Variants in PPP2R2B observed in about 807,000 individuals in gnomAD.
PPP2R2B encodes serine/threonine-protein phosphatase 2A 55 kDa regulatory subunit B beta isoform.
In PPP2R2B, 5 loss-of-function variants were observed where a neutral mutation model predicts 46.0. The ratio of observed to expected loss-of-function variants is 0.11; its 90% confidence interval spans 0.06 to 0.23. The LOEUF (loss-of-function observed/expected upper bound fraction) is 0.23, where lower values mean the gene tolerates loss of function less well. PPP2R2B is among the 10% of genes least tolerant of loss of function. PPP2R2B has a pLI of 1.00. For missense variants in PPP2R2B, 367 were observed against 575.0 expected (o/e 0.64, Z 3.70); for synonymous variants, 215 against 206.7 (o/e 1.04, Z -0.34).
intron 1 of PPP2R2B, among the ~76,000 whole-genome samples, chr5:147,031,431 T>C (rs1036880572): frequency 1.3e-5 from 2 of 152,096 alleles, no homozygotes; most frequent in African/African-American, 4.8e-5. Context: ...ATTTTTAAGA[T>C]TTTGGTTTTC....
intron 2 of PPP2R2B, among the ~76,000 whole-genome samples, chr5:147,062,265 C>A (rs1757282045): frequency 6.6e-6 from 1 of 152,174 alleles, no homozygotes; most frequent in East Asian, 1.9e-4. Context: ...TGTAAGTGCA[C>A]TCTAGGATGT....
intron 8 of PPP2R2B, among the ~76,000 whole-genome samples, chr5:146,600,060 G>A (rs322468): frequency 0.7 from 106,504 of 152,094 alleles, 37,406 homozygotes; most frequent in South Asian, 0.74. Flanking sequence ...CCTCTATAGT[G>A]TCCATTCCAC....
intron 2 of PPP2R2B, among the ~76,000 whole-genome samples, chr5:146,785,243 G>A (rs1166080627): frequency 6.6e-6 from 1 of 152,070 alleles, no homozygotes. Context: ...CTGACACAGT[G>A]GGAAGTCAAG....
At chr5:146,887,689 C>T (rs1298434491) in intron 1 of PPP2R2B, among the ~76,000 whole-genome samples, 2 of 152,170 alleles carry the variant, frequency 1.3e-5, no homozygotes, top group East Asian at 1.9e-4. Flanking sequence ...AATAGGTCAA[C>T]CATTTAGTTC....
intron 2 of PPP2R2B, among the ~76,000 whole-genome samples, chr5:146,803,974 TG>T (rs929490101): frequency 6.6e-6 from 1 of 152,064 alleles, no homozygotes; most frequent in Non-Finnish European, 1.5e-5. Flanking sequence ...AAGACCATCC[TG>T]GCTAATACGG....
intron 2 of PPP2R2B, among the ~76,000 whole-genome samples, chr5:147,079,793 A>T (rs1757919662): frequency 6.6e-6 from 1 of 152,106 alleles, no homozygotes; most frequent in Non-Finnish European, 1.5e-5. Flanking sequence ...ATGGTTAACA[A>T]TATCATATGG....
chr5:146,909,098 T>C (rs995187608), intron 1 of PPP2R2B, among the ~76,000 whole-genome samples: 1 of 152,166 alleles, frequency 6.6e-6, no homozygotes, highest in Admixed American at 6.5e-5. Flanking sequence ...GAGAGGGCAG[T>C]GGGAGGTCAC....
At chr5:146,961,380 A>T (rs571072816) in intron 1 of PPP2R2B, among the ~76,000 whole-genome samples, 1 of 152,338 alleles carries the variant, frequency 6.6e-6, no homozygotes, top group African/African-American at 2.4e-5. Context: ...CTACATGCTG[A>T]TGAATTGTCT....
chr5:146,755,795 G>C (rs956724152), intron 2 of PPP2R2B, among the ~76,000 whole-genome samples: 2 of 152,146 alleles, frequency 1.3e-5, no homozygotes, highest in Non-Finnish European at 2.9e-5. Context: ...TCGAGCCTGG[G>C]GGTCTGCATC....
At chr5:146,704,350 T>C (rs1343577111) in intron 2 of PPP2R2B, among the ~76,000 whole-genome samples, 1 of 152,214 alleles carries the variant, frequency 6.6e-6, no homozygotes, top group Non-Finnish European at 1.5e-5. Context: ...AGTTTAGAGA[T>C]AATAACGTCA....
intron 9 of PPP2R2B, among the ~76,000 whole-genome samples, chr5:146,591,699 A>T (rs1770682813): frequency 6.6e-6 from 1 of 151,850 alleles, no homozygotes; most frequent in Non-Finnish European, 1.5e-5. Context: ...AAGACTACCA[A>T]CCTTATCTGA....
chr5:146,657,067 G>C (rs1342626499), intron 5 of PPP2R2B, among the ~76,000 whole-genome samples: 1 of 152,212 alleles, frequency 6.6e-6, no homozygotes. Flanking sequence ...TGACACCTAA[G>C]TGGGGGTTGG....
chr5:147,044,280 T>C (rs1756450931), intron 1 of PPP2R2B, among the ~76,000 whole-genome samples: 1 of 152,154 alleles, frequency 6.6e-6, no homozygotes, highest in Non-Finnish European at 1.5e-5. Context: ...TACTTGGCAT[T>C]GTCCAGAAGT....
intron 5 of PPP2R2B, among the ~76,000 whole-genome samples, chr5:146,666,947 G>A (rs182716210): frequency 1.2e-3 from 176 of 152,286 alleles, no homozygotes; most frequent in African/African-American, 4.0e-3. Flanking sequence ...GAACTTGAAT[G>A]TGATTTCCTA....
chr5:146,710,895 C>T (rs1205865452), intron 2 of PPP2R2B, among the ~76,000 whole-genome samples: 1 of 152,194 alleles, frequency 6.6e-6, no homozygotes, highest in Non-Finnish European at 1.5e-5. Flanking sequence ...AGAAATTTTG[C>T]TTTGCCAGAT....
chr5:146,768,615 C>T (rs1754639933), intron 2 of PPP2R2B, among the ~76,000 whole-genome samples: 1 of 152,152 alleles, frequency 6.6e-6, no homozygotes, highest in Non-Finnish European at 1.5e-5. Context: ...CTTTCCACTG[C>T]ATTAAGGTAA....
chr5:146,750,496 T>C (rs1753489158), intron 2 of PPP2R2B, among the ~76,000 whole-genome samples: 1 of 152,218 alleles, frequency 6.6e-6, no homozygotes, highest in Non-Finnish European at 1.5e-5. Flanking sequence ...AGAGGCCGCA[T>C]GTATCAGGTT....
chr5:146,598,034 A>G (rs150776601), intron 8 of PPP2R2B, among the ~76,000 whole-genome samples: 1 of 152,320 alleles, frequency 6.6e-6, no homozygotes, highest in Non-Finnish European at 1.5e-5. Context: ...TTCAGCCAGA[A>G]TCCCATTTCA....
intron 1 of PPP2R2B, among the ~76,000 whole-genome samples, chr5:146,988,483 A>G (rs745462647): frequency 6.6e-6 from 1 of 152,038 alleles, no homozygotes. Flanking sequence ...TGGTTCAAAT[A>G]TATAGAAATT....
Sources: gnomAD v4.1 joint callset for allele counts (sites outside exome capture counted in the v4.1 genomes callset) on GRCh38, gnomAD v4.1.1 for gene constraint, MANE v1.5 for transcripts, NCBI Gene and HGNC (gene_info 2026-07-23, HGNC 2026-07-21) for gene names.